The following SPAG1 variants were observed in gnomAD, a reference collection of about 807,000 sequenced individuals.
SPAG1 encodes sperm associated antigen 1.
In SPAG1, 69 loss-of-function variants were observed where a neutral mutation model predicts 100.5. That is an observed-to-expected ratio of 0.69 (90% CI 0.57 to 0.84). The LOEUF (loss-of-function observed/expected upper bound fraction) is 0.84. Ranked by LOEUF, SPAG1 falls within the 40% of genes least tolerant of loss-of-function variation. The pLI is 0.00. For missense variants in SPAG1, 955 were observed against 1,133.1 expected (o/e 0.84, Z 2.26); for synonymous variants, 336 against 411.6 (o/e 0.82, Z 2.22).
At chr8:100,168,285 T>C (rs1351670810) in intron 3 of SPAG1, among the ~76,000 whole-genome samples, 6 of 152,234 alleles carry the variant, frequency 3.9e-5, no homozygotes, top group Non-Finnish European at 8.8e-5. Context: ...TTAATTTGCG[T>C]ATCTCTAGTG....
intron 14 of SPAG1, among the ~76,000 whole-genome samples, chr8:100,230,144 G>A (rs1237266672): frequency 6.6e-6 from 1 of 152,222 alleles, no homozygotes; most frequent in Non-Finnish European, 1.5e-5. Context: ...CCAAAGGTTA[G>A]GGCTGGAGTG....
chr8:100,238,540 T>C (rs1479439058), intron 16 of SPAG1, among the ~76,000 whole-genome samples: 1 of 152,234 alleles, frequency 6.6e-6, no homozygotes, highest in African/African-American at 2.4e-5. Flanking sequence ...ACATAGCTTG[T>C]CACAGCAGAC....
At chr8:100,213,575 GC>G in intron 11 of SPAG1, 147 bp downstream of exon 11, 1 of 706,886 alleles carries the variant, frequency 1.4e-6, no homozygotes, top group Non-Finnish European at 2.1e-6. Flanking sequence ...AGAGCGCCGT[GC>G]CACCTGACCT....
intron 9 of SPAG1, among the ~76,000 whole-genome samples, chr8:100,193,435 G>A (rs942811843): frequency 2.0e-5 from 3 of 152,060 alleles, no homozygotes; most frequent in East Asian, 1.9e-4. Flanking sequence ...TACTCCAGCC[G>A]GGGCAGCAGA....
In SPAG1 at chr8:100,206,248, G is replaced by A. The variant is rs138863565; in HGVS notation, c.1097-6842G>A. Among the ~76,000 whole-genome samples the A allele has an allele frequency of 8.0e-3, 1,213 of 152,174 alleles. 9 individuals are homozygous for A. Among genetic ancestry groups the A allele is most frequent in the African/African-American group, 0.027 (1,131 of 41,502 alleles). On this transcript the variant is annotated intron_variant, in intron 10 of 18. Transcript: ENST00000388798. ...AAATTAACACATCTCCTGGTACCTG[G>A]TATGCAGCCACTGACTTGGCAAATG...
chr8:100,210,695 A>T (rs1817683376), intron 10 of SPAG1, among the ~76,000 whole-genome samples: 1 of 151,696 alleles, frequency 6.6e-6, no homozygotes, highest in Admixed American at 6.6e-5. Flanking sequence ...TTTTATTTTT[A>T]TTTTTTGTAG....
intron 10 of SPAG1, among the ~76,000 whole-genome samples, chr8:100,210,552 G>A (rs932178270): frequency 3.9e-5 from 6 of 152,020 alleles, no homozygotes; most frequent in South Asian, 2.1e-4. Flanking sequence ...GGCAGTATGC[G>A]CTCCTGTTTT....
intron 2 of SPAG1, among the ~76,000 whole-genome samples, chr8:100,164,038 G>A (rs2132190959): frequency 6.6e-6 from 1 of 152,246 alleles, no homozygotes; most frequent in Admixed American, 6.5e-5. Context: ...AGAAAGAATG[G>A]GAAAGGACTG....
intron 13 of SPAG1, among the ~76,000 whole-genome samples, chr8:100,220,663 C>G (rs1223666865): frequency 1.3e-5 from 2 of 152,106 alleles, no homozygotes; most frequent in South Asian, 2.1e-4. Flanking sequence ...GTTTTCTGAT[C>G]CATTTATTAC....
rs544924792 is a variant in SPAG1 at position 100,241,724 on chromosome 8, C to A, written c.*702C>A. ...ACTGTATTAAAGCAAACTAAGCCTG[C>A]ATTTATATCTGAATTATTACCTCCA... On this transcript the variant is annotated 3_prime_UTR_variant, in exon 19 of 19. Transcript: ENST00000388798. This position sits in a 1 kb window ranked among gnomAD's most constrained non-coding sequence, Gnocchi z 5.1. 6.6e-6 allele frequency: 1 copy of A among 152,270 alleles called. No individual in the cohort carries two copies. Among genetic ancestry groups the A allele is most frequent in the Admixed American group, 6.5e-5 (1 of 15,298 alleles). 9.4% of individuals were successfully genotyped at this position (152,270 alleles called of 1,614,324 possible).
At chr8:100,180,413 T>C (rs552781236) in intron 4 of SPAG1, among the ~76,000 whole-genome samples, 14 of 152,320 alleles carry the variant, frequency 9.2e-5, no homozygotes, top group African/African-American at 3.4e-4. Flanking sequence ...AATTTAGATA[T>C]TATGTGTTTC....
At chr8:100,189,284 T>A (rs1816713581) in intron 8 of SPAG1, among the ~76,000 whole-genome samples, 1 of 152,010 alleles carries the variant, frequency 6.6e-6, no homozygotes, top group Admixed American at 6.6e-5. Context: ...GAGACCAGCC[T>A]GGCCAATGTG....
chr8:100,160,354 C>T (rs934449674), intron 1 of SPAG1, among the ~76,000 whole-genome samples: 5 of 152,104 alleles, frequency 3.3e-5, no homozygotes, highest in Admixed American at 6.5e-5. Flanking sequence ...GGGCACGGCA[C>T]GGTGGCTCAC....
intron 16 of SPAG1, 127 bp downstream of exon 16, chr8:100,233,664 C>G: frequency 1.1e-6 from 1 of 886,270 alleles, no homozygotes; most frequent in Non-Finnish European, 1.6e-6. Flanking sequence ...TAGAACTGTA[C>G]TAACCAGTTC....
chr8:100,195,968 A>G (rs1817014430), intron 10 of SPAG1, among the ~76,000 whole-genome samples: 1 of 152,148 alleles, frequency 6.6e-6, no homozygotes, highest in South Asian at 2.1e-4. Flanking sequence ...CTATAAATGG[A>G]ACTGGAAAGT....
intron 3 of SPAG1, among the ~76,000 whole-genome samples, chr8:100,169,593 C>A (rs1815728364): frequency 6.6e-6 from 1 of 152,144 alleles, no homozygotes; most frequent in Non-Finnish European, 1.5e-5. Flanking sequence ...CAAAAATTAG[C>A]TAAGCATGGT....
At chr8:100,235,105 C>A (rs1479932051) in intron 16 of SPAG1, among the ~76,000 whole-genome samples, 1 of 152,102 alleles carries the variant, frequency 6.6e-6, no homozygotes, top group Non-Finnish European at 1.5e-5. Flanking sequence ...GAAGTCTCAG[C>A]TTGCGGTGTT....
chr8:100,212,195 A>C (rs1193634627), intron 10 of SPAG1, among the ~76,000 whole-genome samples: 1 of 152,182 alleles, frequency 6.6e-6, no homozygotes, highest in Non-Finnish European at 1.5e-5. Context: ...TTTTCACTTA[A>C]ATAATTGTGC....
chr8:100,215,030 T>C (rs201724819), intron 12 of SPAG1, among the ~76,000 whole-genome samples: 1 of 97,624 alleles, frequency 1.0e-5, no homozygotes, highest in South Asian at 3.2e-4. Flanking sequence ...TATATATATA[T>C]ATATATATAT....
Sources: allele counts gnomAD v4.1 joint callset (sites outside exome capture counted in the v4.1 genomes callset), GRCh38; gene constraint gnomAD v4.1.1; non-coding constraint Gnocchi (gnomAD v3.1); transcripts MANE v1.5; gene names NCBI Gene and HGNC (gene_info 2026-07-23, HGNC 2026-07-21).